Variants in P2RY14 observed in about 807,000 individuals in gnomAD.
The protein encoded by P2RY14 is P2Y purinoceptor 14.
P2RY14 carries 2 observed loss-of-function variants against 0.9 expected under a neutral mutation model. The ratio of observed to expected loss-of-function variants is 2.16; its 90% CI spans 0.88 to 6.79. The LOEUF is 6.79. Among genes scored for constraint, P2RY14 ranks in the 30% most tolerant of loss-of-function variants. The probability of loss-of-function intolerance (pLI) is 0.05; values close to 1 mark genes in which losing one functional copy is unlikely to be tolerated. For synonymous variants in P2RY14, 158 were observed against 147.2 expected, an observed-to-expected ratio of 1.07 and a Z score of -0.53; for missense variants, 378 against 400.1, an observed-to-expected ratio of 0.94 and a Z score of 0.47.
intron 2 of P2RY14, among the ~76,000 whole-genome samples, chr3:151,217,456 T>A (rs1728463912): frequency 6.6e-6 from 1 of 152,224 alleles, no homozygotes; most frequent in Non-Finnish European, 1.5e-5. Context: ...TTGAGTTGGA[T>A]GGAAGGGACT....
intron 1 of P2RY14, among the ~76,000 whole-genome samples, chr3:151,231,499 G>A (rs1731662369): frequency 6.6e-6 from 1 of 152,140 alleles, no homozygotes; most frequent in African/African-American, 2.4e-5. Flanking sequence ...ACATACTTTT[G>A]TAATAAACTG....
chr3:151,262,853 T>A (rs913160799), intron 1 of P2RY14, among the ~76,000 whole-genome samples: 5 of 152,162 alleles, frequency 3.3e-5, no homozygotes, highest in African/African-American at 9.7e-5. Context: ...ATAAAGTAAG[T>A]CCTGTTAACG....
At chr3:151,217,132 G>A (rs548240142) in intron 2 of P2RY14, among the ~76,000 whole-genome samples, 8 of 152,216 alleles carry the variant, frequency 5.3e-5, no homozygotes, top group African/African-American at 1.9e-4. Context: ...GTGAAATATT[G>A]AATAATTTCC....
At chr3:151,226,261 A>G (rs977863382) in intron 1 of P2RY14, among the ~76,000 whole-genome samples, 1 of 152,190 alleles carries the variant, frequency 6.6e-6, no homozygotes, top group African/African-American at 2.4e-5. Context: ...AGAAGAAGGA[A>G]GGAGTTTTGG....
intron 1 of P2RY14, among the ~76,000 whole-genome samples, chr3:151,274,076 C>T (rs1341967284): frequency 6.6e-6 from 1 of 152,088 alleles, no homozygotes; most frequent in African/African-American, 2.4e-5. Context: ...GTGCTAAAGT[C>T]GTGGCTCATG....
intron 1 of P2RY14, among the ~76,000 whole-genome samples, chr3:151,237,336 CT>C (rs1210483322): frequency 3.2e-4 from 31 of 96,512 alleles, no homozygotes; most frequent in Admixed American, 1.5e-3. Flanking sequence ...CCACGCCTGG[CT>C]TTTTTTTTTT....
chr3:151,270,483 T>C (rs115662636), intron 1 of P2RY14, among the ~76,000 whole-genome samples: 2,484 of 152,302 alleles, frequency 0.016, 68 homozygotes, highest in African/African-American at 0.056. Context: ...ATTTGCATGG[T>C]GCTAAGCCCC....
intron 1 of P2RY14, among the ~76,000 whole-genome samples, chr3:151,272,828 C>T (rs989665849): frequency 2.0e-5 from 3 of 152,100 alleles, no homozygotes; most frequent in Non-Finnish European, 1.5e-5. Context: ...AGCCATTCTT[C>T]TAGGTGGTTA....
chr3:151,247,012 T>TG (rs1195691545), intron 1 of P2RY14, among the ~76,000 whole-genome samples: 5 of 151,852 alleles, frequency 3.3e-5, no homozygotes, highest in African/African-American at 4.8e-5. Flanking sequence ...AAAAAACACA[T>TG]GAAAAAATCC....
intron 1 of P2RY14, among the ~76,000 whole-genome samples, chr3:151,250,888 T>A (rs951206518): frequency 6.6e-6 from 1 of 152,222 alleles, no homozygotes; most frequent in African/African-American, 2.4e-5. Flanking sequence ...CCACCAACAG[T>A]GCACAAAGGT....
At chr3:151,253,590 A>G (rs1173110495) in intron 1 of P2RY14, among the ~76,000 whole-genome samples, 1 of 151,832 alleles carries the variant, frequency 6.6e-6, no homozygotes, top group African/African-American at 2.4e-5. Flanking sequence ...TACTTAGGCC[A>G]CCCCTCAGGC....
At chr3:151,265,509 G>A (rs529664635) in intron 1 of P2RY14, among the ~76,000 whole-genome samples, 2 of 152,130 alleles carry the variant, frequency 1.3e-5, no homozygotes, top group African/African-American at 4.8e-5. Flanking sequence ...CCCACTTGCC[G>A]GTCACTGCCA....
At chr3:151,259,712 A>G (rs568860337) in intron 1 of P2RY14, among the ~76,000 whole-genome samples, 2 of 152,234 alleles carry the variant, frequency 1.3e-5, no homozygotes, top group African/African-American at 2.4e-5. Context: ...TCTACTGTGT[A>G]TAAATACTCT....
intron 1 of P2RY14, among the ~76,000 whole-genome samples, chr3:151,242,521 C>T (rs796897471): frequency 1.3e-4 from 20 of 150,082 alleles, no homozygotes; most frequent in South Asian, 1.3e-3. Context: ...ACACCTCACA[C>T]AGCAGGGTAT....
chr3:151,246,206 T>C (rs988081390), intron 1 of P2RY14, among the ~76,000 whole-genome samples: 4 of 152,302 alleles, frequency 2.6e-5, no homozygotes, highest in African/African-American at 9.6e-5. Flanking sequence ...CAAGGTAATT[T>C]ATAGATTCAA....
chr3:151,260,494 CGTGTACCACT>C (rs902604337), intron 1 of P2RY14, among the ~76,000 whole-genome samples: 10 of 151,992 alleles, frequency 6.6e-5, no homozygotes, highest in Non-Finnish European at 1.5e-4. Flanking sequence ...GGACTGCAGG[CGTGTACCACT>C]GTGTCCAGCT....
intron 1 of P2RY14, among the ~76,000 whole-genome samples, chr3:151,255,040 C>T (rs934603993): frequency 1.3e-5 from 2 of 152,004 alleles, no homozygotes; most frequent in South Asian, 2.1e-4. Flanking sequence ...TAGTATTATA[C>T]TCATAATAAG....
intron 1 of P2RY14, among the ~76,000 whole-genome samples, chr3:151,223,428 A>T (rs887463082): frequency 2.0e-5 from 3 of 152,264 alleles, no homozygotes; most frequent in African/African-American, 7.2e-5. Flanking sequence ...TAGCAAAGGC[A>T]TAGAATCAGC....
rs1343987469 is a variant in P2RY14, at chr3:151,246,433, A to G, written c.-132-26791T>C. On this transcript the variant is annotated intron_variant, in intron 1 of 2. Transcript: ENST00000309170. ...GGTACCAAAACAGAGATATAGATCA[A>G]TGGAACAGAACAGAGCCCTCAGAAA... Among the ~76,000 whole-genome samples the G allele has an allele frequency of 1.6e-3, 238 of 152,054 alleles. 1 individual carries two copies. Among genetic ancestry groups the G allele is most frequent in the Non-Finnish European group, 2.7e-3 (183 of 67,994 alleles).
Sources: gnomAD v4.1 joint callset for allele counts (sites outside exome capture counted in the v4.1 genomes callset) on GRCh38, gnomAD v4.1.1 for gene constraint, MANE v1.5 for transcripts, NCBI Gene and HGNC (gene_info 2026-07-23, HGNC 2026-07-21) for gene names.